The following KIAA0586 variants were observed in gnomAD, a reference collection of about 807,000 sequenced individuals.
KIAA0586 encodes the protein KIAA0586.
KIAA0586 carries 144 observed loss-of-function variants against 169.8 expected under a neutral mutation model. The observed-to-expected ratio is 0.85, with a 90% CI of 0.74 to 0.97. KIAA0586 has a LOEUF of 0.97. KIAA0586 is among the 50% of genes least tolerant of loss of function. The pLI is 0.00. For synonymous variants in KIAA0586, 625 were observed against 612.4 expected (o/e 1.02, Z -0.30); for missense variants, 1,854 against 1,823.0 (o/e 1.02, Z -0.31).
chr14:58,503,185 C>T (rs1729064759), intron 27 of KIAA0586, among the ~76,000 whole-genome samples: 1 of 152,136 alleles, frequency 6.6e-6, no homozygotes, highest in South Asian at 2.1e-4. Context: ...ATTGAATACC[C>T]ACTGTATACC....
intron 7 of KIAA0586, among the ~76,000 whole-genome samples, chr14:58,449,896 A>G (rs900680985): frequency 1.3e-5 from 2 of 152,228 alleles, no homozygotes; most frequent in African/African-American, 4.8e-5. Flanking sequence ...AAGAGTAAAA[A>G]TTCAGTAAAT....
At chr14:58,522,056 A>G (rs1250989646) in intron 29 of KIAA0586, 10 of 899,100 alleles carry the variant, frequency 1.1e-5, no homozygotes, top group South Asian at 4.3e-5. Context: ...TCTAAGATCA[A>G]ATTTTTCACC....
Position 58,530,540 on chromosome 14 carries a change from C to T in KIAA0586, c.4430-9531C>T, listed in dbSNP as rs191505426. On this transcript the variant is annotated intron_variant, in intron 29 of 30. Coordinates refer to ENST00000652326, the MANE Select transcript of KIAA0586 (RefSeq NM_001329943.3). ...CAGAGGCCTAATAAATAACACCACA[C>T]ATCTACAGCCATCTGATCTTTGACA... Among the ~76,000 whole-genome samples the T allele has an allele frequency of 1.8e-3, 278 of 152,302 alleles. 1 individual carries two copies. Among genetic ancestry groups the T allele is most frequent in the Non-Finnish European group, 2.0e-3 (136 of 68,018 alleles).
chr14:58,451,804 C>T (rs1399974975), intron 8 of KIAA0586, among the ~76,000 whole-genome samples: 2 of 152,030 alleles, frequency 1.3e-5, no homozygotes, highest in Non-Finnish European at 2.9e-5. Context: ...CTGCGTCAGC[C>T]TCCCGAGTAG....
intron 18 of KIAA0586, among the ~76,000 whole-genome samples, chr14:58,473,401 AC>A (rs1224940039): frequency 6.6e-6 from 1 of 152,214 alleles, no homozygotes; most frequent in Non-Finnish European, 1.5e-5. Context: ...TTACTTTTAA[AC>A]ACATATGATT....
rs1202178034 is a variant in KIAA0586, at chr14:58,453,396, G to T, written c.1176G>T (p.Leu392Phe). ...LEQILNNNDSLTRKSESSNTT... is the reference protein window; with the variant it reads ...LEQILNNNDSFTRKSESSNTT... Reference sequence around the variant, plus strand: ...AAATTTTGAATAATAATGATTCTTTGACAAGAAAAAGTGAATCATCAAACA... The same window carrying T: ...AAATTTTGAATAATAATGATTCTTTTACAAGAAAAAGTGAATCATCAAACA... Residue 392 changes from leucine (L) to phenylalanine (F), a missense_variant, in exon 9 of 31, where the codon TTG becomes TTT. Leu to Phe is a conservative substitution (Grantham distance 22, BLOSUM62 0). Coordinates refer to ENST00000652326, the MANE Select transcript of KIAA0586 (RefSeq NM_001329943.3). The T allele has an allele frequency of 2.1e-6, 3 of 1,449,102 alleles. No homozygotes were observed. Among genetic ancestry groups the T allele is most frequent in the South Asian group, 2.7e-5 (2 of 74,998 alleles). The allele number at this position is 1,449,102 out of a possible 1,614,324, so 89.8% of individuals were successfully genotyped here. A position where few individuals can be genotyped will look rare whatever the true frequency, so the allele number is the denominator to read the frequency against.
At chr14:58,453,977 G>A (rs1283448820) in intron 9 of KIAA0586, among the ~76,000 whole-genome samples, 1 of 152,054 alleles carries the variant, frequency 6.6e-6, no homozygotes, top group African/African-American at 2.4e-5. Context: ...AAGAACTAGA[G>A]GAGCCATATG....
At chr14:58,486,841 T>TG (rs914655621) in intron 21 of KIAA0586, among the ~76,000 whole-genome samples, 166 bp from the exon 22 acceptor site, 1 of 152,206 alleles carries the variant, frequency 6.6e-6, no homozygotes, top group African/African-American at 2.4e-5. Context: ...GCCTGAGACT[T>TG]GCTGCAGGCC....
chr14:58,461,122 C>T lies in KIAA0586; in HGVS notation c.2021C>T (p.Ser674Phe), dbSNP rs751918419. The T allele has an allele frequency of 6.2e-7, 1 of 1,605,208 alleles. No homozygotes were observed. Among genetic ancestry groups the T allele is most frequent in the Non-Finnish European group, 8.5e-7 (1 of 1,176,502 alleles). ...AGATTTAATTCTCCATCTCCTAAGT[C>T]CAGACCACAGAGACCAAAAGTAATA... ...YLRFNSPSPKSRPQRPKVIER... is the reference protein window; with the variant it reads ...YLRFNSPSPKFRPQRPKVIER... Residue 674 changes from serine to phenylalanine, a missense_variant, in exon 14 of 31, where the codon TCC becomes TTC. Transcript: ENST00000652326.
intron 4 of KIAA0586, chr14:58,440,054 T>TC: frequency 4.5e-6 from 1 of 220,936 alleles, no homozygotes; most frequent in South Asian, 4.7e-5. Flanking sequence ...TTTTAATTTT[T>TC]TTTTTTTTTT....
chr14:58,507,985 G>A (rs1299746633), intron 27 of KIAA0586, among the ~76,000 whole-genome samples: 8 of 151,980 alleles, frequency 5.3e-5, no homozygotes, highest in African/African-American at 1.4e-4. Flanking sequence ...AGGTTTCACC[G>A]TGTTGGCCAG....
intron 8 of KIAA0586, 91 bp downstream of exon 8, chr14:58,450,837 T>G: frequency 1.4e-6 from 1 of 720,134 alleles, no homozygotes; most frequent in South Asian, 2.1e-5. Context: ...GATCTCTATT[T>G]GTAATATTTT....
intron 30 of KIAA0586, 97 bp from the exon 31 acceptor site, chr14:58,547,684 G>GA (rs1555408844): frequency 1.2e-5 from 11 of 946,852 alleles, no homozygotes; most frequent in Admixed American, 8.9e-5. Context: ...TGGAATCCGC[G>GA]CCCCCCCACC....
intron 9 of KIAA0586, among the ~76,000 whole-genome samples, chr14:58,454,882 A>G (rs1194972387): frequency 6.6e-6 from 1 of 152,074 alleles, no homozygotes; most frequent in African/African-American, 2.4e-5. Flanking sequence ...TTTTTGGTAG[A>G]TGTTCTTTTT....
intron 6 of KIAA0586, among the ~76,000 whole-genome samples, chr14:58,446,756 G>A (rs1321531496): frequency 6.6e-6 from 1 of 151,930 alleles, no homozygotes; most frequent in Non-Finnish European, 1.5e-5. Flanking sequence ...ATGATTATAT[G>A]CATACCAAGT....
chr14:58,489,957 G>T (rs1225792912), intron 24 of KIAA0586, among the ~76,000 whole-genome samples: 1 of 151,982 alleles, frequency 6.6e-6, no homozygotes, highest in East Asian at 1.9e-4. Context: ...AAACTGGTAG[G>T]TTAAACAAAA....
chr14:58,471,129 G>T (rs989007260), intron 17 of KIAA0586, among the ~76,000 whole-genome samples: 1 of 152,152 alleles, frequency 6.6e-6, no homozygotes, highest in Admixed American at 6.6e-5. Flanking sequence ...GGAATTACAG[G>T]CGTGAGCCAC....
At chr14:58,487,312 T>C (rs1199025982) in intron 22 of KIAA0586, 146 bp downstream of exon 22, 16 of 744,158 alleles carry the variant, frequency 2.2e-5, no homozygotes, top group Non-Finnish European at 2.9e-5. Flanking sequence ...TTCTTAAAAG[T>C]CTATAATTGA....
intron 6 of KIAA0586, 50 bp downstream of exon 6, chr14:58,444,225 T>A: frequency 8.4e-7 from 1 of 1,184,304 alleles, no homozygotes; most frequent in Non-Finnish European, 1.2e-6. Context: ...ATCACTTGGA[T>A]CTCTCAGCCA....
Sources: gnomAD v4.1 joint callset for allele counts (sites outside exome capture counted in the v4.1 genomes callset) on GRCh38, gnomAD v4.1.1 for gene constraint, MANE v1.5 for transcripts, NCBI Gene and HGNC (gene_info 2026-07-23, HGNC 2026-07-21) for gene names.